BAZ2B: variants seen among roughly 807,000 people sequenced by gnomAD.
BAZ2B encodes the protein bromodomain adjacent to zinc finger domain 2B, also known as bromodomain adjacent to zinc finger domain protein 2B.
In BAZ2B, 91 loss-of-function variants were observed where a neutral mutation model predicts 246.0. The ratio of observed to expected loss-of-function variants is 0.37; its 90% confidence interval spans 0.31 to 0.44. The LOEUF (loss-of-function observed/expected upper bound fraction) is 0.44, where lower values mean the gene tolerates loss of function less well. BAZ2B is among the 20% of genes least tolerant of loss of function. BAZ2B has a pLI of 1.00. For missense variants in BAZ2B, 2,332 were observed against 2,533.7 expected (o/e 0.92, Z 1.71); for synonymous variants, 855 against 860.0 (o/e 0.99, Z 0.10).
In BAZ2B at chr2:159,404,872, G is replaced by T. The variant is rs2065652102; in HGVS notation, c.2809C>A (p.Gln937Lys). ...ACCTGCTGTTTCATAATCTTTATCT[G>T]TTCTTTTTGCTTCCGCTTCTCCTCA... Reference protein sequence around the residue: ...AAEEKRKQKEQIKIMKQQEKI... With the variant: ...AAEEKRKQKEKIKIMKQQEKI... The change falls in exon 16 of 37, where the codon CAG (glutamine) becomes AAG (lysine). Residue 937 changes from glutamine to lysine, a missense_variant. Physicochemically the swap from Gln to Lys is moderately conservative, Grantham distance 53 (BLOSUM62 1). Around this residue, in one of 9 missense-constraint regions of BAZ2B, gnomAD observed 651 missense variants for 650.9 expected, o/e 1.00. Transcript: ENST00000392783. 5 of 1,612,852 alleles carry T rather than the reference G, an allele frequency of 3.1e-6. No homozygotes were observed. The highest frequency in any genetic ancestry group is 3.4e-6 in the Non-Finnish European group (4 of 1,179,822).
the BAZ2B span, among the ~76,000 whole-genome samples, chr2:159,642,087 TTAAC>T: frequency 1.3e-5 from 2 of 152,172 alleles, no homozygotes; most frequent in African/African-American, 4.8e-5. Flanking sequence ...AGCTTACTCT[TTAAC>T]TATAGCAGAA....
At chr2:159,467,958 T>C (rs1264863721) in intron 3 of BAZ2B, among the ~76,000 whole-genome samples, 1 of 152,192 alleles carries the variant, frequency 6.6e-6, no homozygotes, top group Non-Finnish European at 1.5e-5. Flanking sequence ...AGGTCAGAAT[T>C]CAGAGCTAAG....
At chr2:159,581,976 A>G (rs569513917) in intron 1 of BAZ2B, among the ~76,000 whole-genome samples, 14 of 152,136 alleles carry the variant, frequency 9.2e-5, no homozygotes, top group African/African-American at 3.4e-4. Context: ...GTAAATTACA[A>G]GTTAATGGGT....
intron 2 of BAZ2B, among the ~76,000 whole-genome samples, chr2:159,539,055 A>AG (rs2086343031): frequency 6.6e-6 from 1 of 152,322 alleles, no homozygotes; most frequent in African/African-American, 2.4e-5. Context: ...TTCAAAACGC[A>AG]GGGGGCGGAA....
chr2:159,554,296 T>C (rs557346436), intron 2 of BAZ2B, among the ~76,000 whole-genome samples: 19 of 152,238 alleles, frequency 1.2e-4, no homozygotes, highest in African/African-American at 4.6e-4. Flanking sequence ...TTAAAAAAGG[T>C]TTCATTTAAT....
intron 2 of BAZ2B, among the ~76,000 whole-genome samples, chr2:159,531,895 T>C (rs942584303): frequency 9.9e-5 from 15 of 152,232 alleles, no homozygotes; most frequent in Non-Finnish European, 1.5e-4. Context: ...AAAAGAATTT[T>C]AAAGTGTATA....
intron 15 of BAZ2B, 21 bp downstream of exon 15, chr2:159,405,001 T>C: frequency 3.1e-6 from 5 of 1,613,398 alleles, no homozygotes; most frequent in Non-Finnish European, 4.2e-6. Context: ...TTCGAGTTTA[T>C]GTTACATTTA....
At chr2:159,431,833 CTG>C (rs61593069) in intron 9 of BAZ2B, among the ~76,000 whole-genome samples, 26,534 of 152,034 alleles carry the variant, frequency 0.17, 2,773 homozygotes, top group South Asian at 0.32. Context: ...GATACTTAGA[CTG>C]TTTCCTCATA....
chr2:159,625,109 G>A, the BAZ2B span, among the ~76,000 whole-genome samples: 57 of 152,048 alleles, frequency 3.7e-4, no homozygotes, highest in Non-Finnish European at 7.4e-4. Flanking sequence ...ATAAAATAAA[G>A]CGAGAAGACA....
At chr2:159,420,936 A>C (rs1020252287) in intron 13 of BAZ2B, among the ~76,000 whole-genome samples, 1 of 152,238 alleles carries the variant, frequency 6.6e-6, no homozygotes, top group African/African-American at 2.4e-5. Flanking sequence ...ATTCATTAAA[A>C]GGTAGCCAGC....
At chr2:159,676,982 AT>A in the BAZ2B span, among the ~76,000 whole-genome samples, 1 of 103,492 alleles carries the variant, frequency 9.7e-6, no homozygotes. Flanking sequence ...ATATATATAT[AT>A]ATATATATAT....
chr2:159,375,219 A>T (rs1359698147), intron 25 of BAZ2B, among the ~76,000 whole-genome samples: 1 of 152,088 alleles, frequency 6.6e-6, no homozygotes, highest in African/African-American at 2.4e-5. Flanking sequence ...AACAAAACAT[A>T]GCAAACCACA....
intron 2 of BAZ2B, among the ~76,000 whole-genome samples, chr2:159,540,272 T>G (rs1417289084): frequency 6.6e-6 from 1 of 152,160 alleles, no homozygotes; most frequent in Admixed American, 6.5e-5. Context: ...GGCTAAAAAT[T>G]CCTACCTAGG....
At chr2:159,633,256 A>G in the BAZ2B span, among the ~76,000 whole-genome samples, 1 of 152,132 alleles carries the variant, frequency 6.6e-6, no homozygotes, top group South Asian at 2.1e-4. Flanking sequence ...CTAGCCCTTG[A>G]AGAATGCACA....
chr2:159,677,239 G>T, the BAZ2B span, among the ~76,000 whole-genome samples: 9 of 151,504 alleles, frequency 5.9e-5, no homozygotes, highest in Non-Finnish European at 1.3e-4. Context: ...TCATTTTAAA[G>T]ATAAGAAAGA....
the BAZ2B span, among the ~76,000 whole-genome samples, chr2:159,706,092 C>CACACACACACACACAT: frequency 6.6e-6 from 1 of 151,828 alleles, no homozygotes; most frequent in South Asian, 2.1e-4. Context: ...ATAACACACA[C>CACACACACACACACAT]ACACACAAAC....
At chr2:159,702,732 G>A in the BAZ2B span, among the ~76,000 whole-genome samples, 2 of 151,958 alleles carry the variant, frequency 1.3e-5, no homozygotes, top group African/African-American at 4.8e-5. Flanking sequence ...CCCCCAATAC[G>A]CAAAAACATG....
chr2:159,325,680 T>C lies in BAZ2B; in HGVS notation c.6182A>G (p.Asp2061Gly), dbSNP rs752949386. Residue 2061 changes from aspartate to glycine, a missense_variant, in exon 35 of 37, where the codon GAT becomes GGT. Asp to Gly is a moderately conservative substitution (Grantham distance 94). Coordinates refer to ENST00000392783, the MANE Select transcript of BAZ2B (RefSeq NM_013450.4). ...SFTSVKKPKRDDSKDLALCSM... is the reference protein window; with the variant it reads ...SFTSVKKPKRGDSKDLALCSM... ...GCAAAGAGCTAGGTCCTTGGAGTCATCTCTTTTAGGTTTCTTAACTGAAGT... is the reference window on the plus strand; with the variant it reads ...GCAAAGAGCTAGGTCCTTGGAGTCACCTCTTTTAGGTTTCTTAACTGAAGT... The C allele has an allele frequency of 3.8e-6, 6 of 1,591,950 alleles. No homozygotes were observed. The East Asian group carries it at 1.1e-4, about 30-fold the overall frequency.
At chr2:159,535,478 C>T (rs13401774) in intron 2 of BAZ2B, among the ~76,000 whole-genome samples, 8 of 152,104 alleles carry the variant, frequency 5.3e-5, no homozygotes, top group East Asian at 3.9e-4. Flanking sequence ...GCCAAGATTG[C>T]GCCATTGCAC....
Sources: gnomAD v4.1 joint callset for allele counts (sites outside exome capture counted in the v4.1 genomes callset) on GRCh38, gnomAD v4.1.1 for gene constraint, gnomAD v4.1.1 regional missense constraint, MANE v1.5 for transcripts, NCBI Gene and HGNC (gene_info 2026-07-23, HGNC 2026-07-21) for gene names.